PCGF5: variants seen among roughly 807,000 people sequenced by gnomAD.
The protein encoded by PCGF5 is polycomb group ring finger 5, also known as polycomb group RING finger protein 5.
Under a neutral mutation model 44.3 loss-of-function variants are expected in PCGF5, and 9 were observed. The observed-to-expected ratio is 0.20, with a 90% CI of 0.12 to 0.35. The LOEUF is 0.35. Ranked by LOEUF, PCGF5 falls within the 10% of genes least tolerant of loss-of-function variation. PCGF5 has a pLI of 1.00. For synonymous variants in PCGF5, 95 were observed against 102.5 expected (o/e 0.93, Z 0.44); for missense variants, 146 against 305.3 (o/e 0.48, Z 3.89).
intron 1 of PCGF5, among the ~76,000 whole-genome samples, chr10:91,176,980 C>G (rs1189097989): frequency 6.6e-6 from 1 of 152,226 alleles, no homozygotes; most frequent in Non-Finnish European, 1.5e-5. Flanking sequence ...AGGAGAGGCG[C>G]CCTGATTTTT....
At chr10:91,275,526 C>T (rs12260816) in intron 9 of PCGF5, among the ~76,000 whole-genome samples, 5,917 of 151,432 alleles carry the variant, frequency 0.039, 373 homozygotes, top group African/African-American at 0.13. Context: ...TTGCAGCCTC[C>T]GTCTCCCAGG....
chr10:91,271,809 C>G (rs1846188418), intron 9 of PCGF5, 112 bp downstream of exon 9: 2 of 812,570 alleles, frequency 2.5e-6, no homozygotes, highest in East Asian at 5.3e-5. Flanking sequence ...GTTACTGGAG[C>G]TACAAAAACT....
intron 1 of PCGF5, among the ~76,000 whole-genome samples, chr10:91,163,781 C>T (rs1843441001): frequency 6.6e-6 from 1 of 151,900 alleles, no homozygotes; most frequent in South Asian, 2.1e-4. Context: ...CCCGGCGGGA[C>T]CCACCTGTAC....
chr10:91,230,034 T>C (rs1844957668), intron 2 of PCGF5, among the ~76,000 whole-genome samples: 1 of 152,190 alleles, frequency 6.6e-6, no homozygotes. Flanking sequence ...TGTCATCTAT[T>C]ATTAGTAATA....
intron 1 of PCGF5, among the ~76,000 whole-genome samples, chr10:91,175,660 A>T (rs1843692733): frequency 6.6e-6 from 1 of 152,264 alleles, no homozygotes; most frequent in South Asian, 2.1e-4. Context: ...ACAAATGAAC[A>T]ACAATAAAAA....
At chr10:91,238,601 CTTTTTTTTTTTTTTT>C (rs71487496) in intron 2 of PCGF5, among the ~76,000 whole-genome samples, 2 of 58,440 alleles carry the variant, frequency 3.4e-5, no homozygotes, top group Admixed American at 2.6e-4. Flanking sequence ...TTCTTTCTTT[CTTTTTTTTTTTTTTT>C]TTTTTTTTTT....
At chr10:91,161,527 T>C (rs1173979297), upstream of PCGF5, among the ~76,000 whole-genome samples, 1 of 152,216 alleles carries the variant, frequency 6.6e-6, no homozygotes, top group Non-Finnish European at 1.5e-5. Flanking sequence ...TGGGTTCATG[T>C]CTACTTTTTC....
intron 1 of PCGF5, among the ~76,000 whole-genome samples, chr10:91,176,867 T>C (rs1414173359): frequency 6.6e-6 from 1 of 151,354 alleles, no homozygotes; most frequent in African/African-American, 2.5e-5. Flanking sequence ...TCCTTTAGCT[T>C]GGAGAAGTTT....
At chr10:91,171,318 GT>G (rs752261001) in intron 1 of PCGF5, among the ~76,000 whole-genome samples, 24 of 152,240 alleles carry the variant, frequency 1.6e-4, no homozygotes, top group Non-Finnish European at 2.6e-4. Flanking sequence ...AAATGGGTTG[GT>G]TTTTTTATAT....
At chr10:91,208,976 G>A (rs569748409) in intron 1 of PCGF5, among the ~76,000 whole-genome samples, 1 of 152,170 alleles carries the variant, frequency 6.6e-6, no homozygotes, top group African/African-American at 2.4e-5. Context: ...CCATTGGTAG[G>A]TTTCAGTGGC....
At chr10:91,205,984 T>C (rs373435188) in intron 1 of PCGF5, among the ~76,000 whole-genome samples, 2 of 152,220 alleles carry the variant, frequency 1.3e-5, no homozygotes, top group East Asian at 3.9e-4. Context: ...ATCACACCAC[T>C]GCACTCCGAC....
chr10:91,257,904 C>T (rs1013832532), intron 6 of PCGF5, among the ~76,000 whole-genome samples: 2 of 151,906 alleles, frequency 1.3e-5, no homozygotes, highest in Non-Finnish European at 2.9e-5. Context: ...GAAAACAACC[C>T]AAATGTCTAT....
rs568877137 is a variant in PCGF5, at chr10:91,283,607, C to T, written c.*5291C>T. 77 of 152,098 alleles carry T rather than the reference C, an allele frequency of 5.1e-4. No homozygotes were observed. Among genetic ancestry groups the T allele is most frequent in the African/African-American group, 1.7e-3 (72 of 41,474 alleles). 9.4% of individuals were successfully genotyped at this position (152,098 alleles called of 1,614,324 possible). A position where few individuals can be genotyped will look rare whatever the true frequency, so the allele number is the denominator to read the frequency against. On this transcript the variant is annotated 3_prime_UTR_variant, in exon 10 of 10. Coordinates refer to ENST00000336126, the MANE Select transcript of PCGF5 (RefSeq NM_032373.5). ...ACATTAAAAATGTAATGGGATCAGCCTAGCATTGTTTGGTGTTCTTTTGTT... is the reference window on the plus strand; with the variant it reads ...ACATTAAAAATGTAATGGGATCAGCTTAGCATTGTTTGGTGTTCTTTTGTT...
At chr10:91,225,380 C>T (rs1182366359) in intron 2 of PCGF5, among the ~76,000 whole-genome samples, 2 of 151,172 alleles carry the variant, frequency 1.3e-5, no homozygotes, top group African/African-American at 2.4e-5. Context: ...TTTAACTGCA[C>T]ATGTCATCCT....
Position 91,227,796 on chromosome 10 carries a change from G to C in PCGF5, c.112+4813G>C, listed in dbSNP as rs951503359. ...CTAACACTCACACATACAAATACTT[G>C]GTTCAACTGTTTGCTCTCCTTGAAA... is the stretch of plus-strand genomic sequence containing the variant. On this transcript the variant is annotated intron_variant, in intron 2 of 9. Transcript: ENST00000336126. 9 of 989,188 alleles carry C rather than the reference G, an allele frequency of 9.1e-6. No individual in the cohort carries two copies. The African/African-American group carries it at 1.6e-4, about 17-fold the overall frequency. 61.3% of individuals were successfully genotyped at this position (989,188 alleles called of 1,614,324 possible). A position where few individuals can be genotyped will look rare whatever the true frequency, so the allele number is the denominator to read the frequency against.
At chr10:91,231,640 G>T (rs1485395199) in intron 2 of PCGF5, among the ~76,000 whole-genome samples, 1 of 152,252 alleles carries the variant, frequency 6.6e-6, no homozygotes, top group Admixed American at 6.5e-5. Context: ...ACGTGGCGCA[G>T]TTCTTGTAGA....
chr10:91,250,725 T>C (rs1304803246), intron 5 of PCGF5, among the ~76,000 whole-genome samples: 1 of 151,852 alleles, frequency 6.6e-6, no homozygotes, highest in Non-Finnish European at 1.5e-5. Flanking sequence ...AAGTATGCCA[T>C]TGAGATATCT....
intron 2 of PCGF5, among the ~76,000 whole-genome samples, chr10:91,228,712 C>G (rs1279907251): frequency 1.3e-5 from 2 of 152,182 alleles, no homozygotes; most frequent in Non-Finnish European, 2.9e-5. Flanking sequence ...GTACAGAAAA[C>G]TCATGATGCT....
At chr10:91,176,020 A>G (rs1377173533) in intron 1 of PCGF5, among the ~76,000 whole-genome samples, 1 of 152,120 alleles carries the variant, frequency 6.6e-6, no homozygotes, top group Non-Finnish European at 1.5e-5. Flanking sequence ...GGTCTTTACA[A>G]TTTGGCATGT....
Sources: gnomAD v4.1 joint callset for allele counts (sites outside exome capture counted in the v4.1 genomes callset) on GRCh38, gnomAD v4.1.1 for gene constraint, MANE v1.5 for transcripts, NCBI Gene and HGNC (gene_info 2026-07-23, HGNC 2026-07-21) for gene names.